The following ZCCHC24 variants were observed in gnomAD, a reference collection of about 807,000 sequenced individuals.
ZCCHC24 encodes the protein zinc finger CCHC-type containing 24.
In ZCCHC24, 10 loss-of-function variants were observed where a neutral mutation model predicts 26.2. The ratio of observed to expected loss-of-function variants is 0.38; its 90% CI spans 0.24 to 0.65. The LOEUF is 0.65. ZCCHC24 is among the 30% of genes least tolerant of loss of function. The probability of loss-of-function intolerance (pLI) is 0.54; values close to 1 mark genes in which losing one functional copy is unlikely to be tolerated. For synonymous variants in ZCCHC24, 144 were observed against 147.1 expected, an observed-to-expected ratio of 0.98 and a Z score of 0.15; for missense variants, 243 against 329.1, an observed-to-expected ratio of 0.74 and a Z score of 2.03.
rs79815512 is a variant in ZCCHC24, at chr10:79,429,023, G to A, written c.447+3535C>T. ...CACAAAAGAAAGCCCGGGCGCAGACGGCATCGCAGGTGAATTCTATCAAAC... is the reference window on the plus strand; with the variant it reads ...CACAAAAGAAAGCCCGGGCGCAGACAGCATCGCAGGTGAATTCTATCAAAC... On this transcript the variant is annotated intron_variant, in intron 2 of 3. Coordinates refer to ENST00000372336, the MANE Select transcript of ZCCHC24 (RefSeq NM_153367.4). Among the ~76,000 whole-genome samples the A allele has an allele frequency of 4.7e-3, 717 of 152,240 alleles. 6 individuals are homozygous for A. The highest frequency in any genetic ancestry group is 0.03 in the East Asian group (154 of 5,190).
intron 3 of ZCCHC24, among the ~76,000 whole-genome samples, chr10:79,391,827 T>G (rs72818296): frequency 0.091 from 13,810 of 151,392 alleles, 688 homozygotes; most frequent in Non-Finnish European, 0.097. Context: ...CTCCTCTGTC[T>G]GCTTGTCCTT....
rs561323559 is a variant in ZCCHC24 at position 79,382,747 on chromosome 10, A to T, written c.*3598T>A. 6.5e-6 allele frequency: 1 copy of T among 152,840 alleles called. No individual in the cohort carries two copies. Among genetic ancestry groups the T allele is most frequent in the Admixed American group, 6.5e-5 (1 of 15,288 alleles). 9.5% of individuals were successfully genotyped at this position (152,840 alleles called of 1,614,324 possible). On this transcript the variant is annotated 3_prime_UTR_variant, in exon 4 of 4. Transcript: ENST00000372336. ...ATTCGTTTAGAGTAGATTCAAGTCT[A>T]TTAGATGCTGGAGGGCTGGTGTAAG...
chr10:79,391,609 C>T (rs1652559205), intron 3 of ZCCHC24, among the ~76,000 whole-genome samples: 1 of 151,942 alleles, frequency 6.6e-6, no homozygotes. Context: ...AGAAACTGGG[C>T]TGTTCCTGAC....
At chr10:79,438,143 C>T (rs1357957313) in intron 1 of ZCCHC24, among the ~76,000 whole-genome samples, 1 of 152,120 alleles carries the variant, frequency 6.6e-6, no homozygotes. Flanking sequence ...TGATTCGAGT[C>T]CCTAGCTCTG....
intron 2 of ZCCHC24, among the ~76,000 whole-genome samples, chr10:79,424,652 T>C (rs1049299662): frequency 6.6e-6 from 1 of 152,144 alleles, no homozygotes; most frequent in Non-Finnish European, 1.5e-5. Flanking sequence ...AAAATGCCAA[T>C]CTGAGCATGT....
chr10:79,430,296 G>C (rs1043132735), intron 2 of ZCCHC24, among the ~76,000 whole-genome samples: 1 of 152,084 alleles, frequency 6.6e-6, no homozygotes, highest in African/African-American at 2.4e-5. Flanking sequence ...GGGCCTTCAC[G>C]AGTCCAGGAC....
In ZCCHC24 at chr10:79,411,325, A is replaced by G. The variant is rs150989627; in HGVS notation, c.448-16885T>C. Among the ~76,000 whole-genome samples, 49 of 152,278 alleles carry G rather than the reference A, an allele frequency of 3.2e-4. 1 individual carries two copies. In the East Asian group the frequency reaches 8.1e-3, roughly 25 times the overall value. ...GGCATCCTGGCATGGTGCTATAATT[A>G]AACACACACACACTCCCCTGCAGGT... On this transcript the variant is annotated intron_variant, in intron 2 of 3. Coordinates refer to ENST00000372336, the MANE Select transcript of ZCCHC24 (RefSeq NM_153367.4).
intron 1 of ZCCHC24, among the ~76,000 whole-genome samples, chr10:79,433,343 G>C (rs934228097): frequency 5.5e-4 from 83 of 151,850 alleles, no homozygotes; most frequent in African/African-American, 1.9e-3. Flanking sequence ...TGTGTAGTCT[G>C]TGTGTGGGGA....
At chr10:79,437,901 G>T (rs550241650) in intron 1 of ZCCHC24, among the ~76,000 whole-genome samples, 1 of 152,326 alleles carries the variant, frequency 6.6e-6, no homozygotes, top group Admixed American at 6.5e-5. Context: ...GGGCAGGAGG[G>T]TAGAAGCTGC....
At chr10:79,411,111 G>A (rs2132194790) in intron 2 of ZCCHC24, among the ~76,000 whole-genome samples, 1 of 152,320 alleles carries the variant, frequency 6.6e-6, no homozygotes, top group East Asian at 1.9e-4. Flanking sequence ...AACAGTGATG[G>A]ATGGCAGCCT....
At chr10:79,443,489 G>A (rs1158395821) in intron 1 of ZCCHC24, among the ~76,000 whole-genome samples, 1 of 152,124 alleles carries the variant, frequency 6.6e-6, no homozygotes, top group Non-Finnish European at 1.5e-5. Context: ...AGAAACTCCC[G>A]TGGGGCTCCC....
intron 3 of ZCCHC24, among the ~76,000 whole-genome samples, chr10:79,387,001 C>G (rs529622124): frequency 5.9e-5 from 9 of 152,338 alleles, no homozygotes; most frequent in South Asian, 2.1e-4. Flanking sequence ...ACTCTCCACT[C>G]GCAGCCCTGC....
chr10:79,426,188 C>G (rs113190460), intron 2 of ZCCHC24, among the ~76,000 whole-genome samples: 5,602 of 152,292 alleles, frequency 0.037, 341 homozygotes, highest in African/African-American at 0.13. Flanking sequence ...TGACCAACCC[C>G]TGGCTCCCGT....
At chr10:79,430,681 A>ACCG (rs201260913) in intron 2 of ZCCHC24, among the ~76,000 whole-genome samples, 2 of 127,110 alleles carry the variant, frequency 1.6e-5, no homozygotes, top group Non-Finnish European at 3.3e-5. Flanking sequence ...ACTCACACAC[A>ACCG]CACACCACAC....
At chr10:79,439,792 C>CA (rs3997794) in intron 1 of ZCCHC24, among the ~76,000 whole-genome samples, 3,507 of 116,108 alleles carry the variant, frequency 0.03, 167 homozygotes, top group African/African-American at 0.095. Context: ...CAGACTCCAT[C>CA]AAAAAAAAAA....
chr10:79,405,728 G>A (rs1017835430), intron 2 of ZCCHC24, among the ~76,000 whole-genome samples: 2 of 152,240 alleles, frequency 1.3e-5, no homozygotes, highest in Non-Finnish European at 2.9e-5. Flanking sequence ...CTTTGGGTGT[G>A]AGGGCCACAG....
rs6480934 is a variant in ZCCHC24 at position 79,382,453 on chromosome 10, C to T, written c.*3892G>A. On this transcript the variant is annotated 3_prime_UTR_variant, in exon 4 of 4. Coordinates refer to ENST00000372336, the MANE Select transcript of ZCCHC24 (RefSeq NM_153367.4). ...CCCAAGGGCTGCACTTCGGAGACGT[C>T]GGAGCCTTCTCCACGCACCTTCCGA... is the stretch of plus-strand genomic sequence containing the variant. 1,509 of 153,018 alleles carry T rather than the reference C, an allele frequency of 9.9e-3. 32 individuals carry two copies. The highest frequency in any genetic ancestry group is 0.034 in the African/African-American group (1,408 of 41,586). The allele number at this position is 153,018 out of a possible 1,614,324, so 9.5% of individuals were successfully genotyped here.
At chr10:79,425,369 G>A (rs1051728831) in intron 2 of ZCCHC24, among the ~76,000 whole-genome samples, 1 of 152,222 alleles carries the variant, frequency 6.6e-6, no homozygotes, top group Non-Finnish European at 1.5e-5. Context: ...ACACCCTGAG[G>A]CTGGGTGGTG....
chr10:79,434,608 T>TAA (rs375204397), intron 1 of ZCCHC24, among the ~76,000 whole-genome samples: 13 of 152,324 alleles, frequency 8.5e-5, no homozygotes, highest in African/African-American at 3.1e-4. Context: ...TACATGAGTG[T>TAA]GCCCCAACCT....
Sources: gnomAD v4.1 joint callset for allele counts (sites outside exome capture counted in the v4.1 genomes callset) on GRCh38, gnomAD v4.1.1 for gene constraint, MANE v1.5 for transcripts, NCBI Gene and HGNC (gene_info 2026-07-23, HGNC 2026-07-21) for gene names.